GNG12: variants seen among roughly 807,000 people sequenced by gnomAD.
GNG12 encodes G protein subunit gamma 12.
For missense variants in GNG12, 69 were observed against 83.8 expected, an observed-to-expected ratio of 0.82 and a Z score of 0.69; for synonymous variants, 28 against 29.7, an observed-to-expected ratio of 0.94 and a Z score of 0.19.
At chr1:67,824,917 T>C (rs2100826846) in intron 1 of GNG12, among the ~76,000 whole-genome samples, 1 of 138,494 alleles carries the variant, frequency 7.2e-6, no homozygotes, top group East Asian at 2.1e-4. Context: ...CGGATATTTA[T>C]TACAGCCATA....
At chr1:67,781,455 T>C (rs1411906185) in intron 1 of GNG12, among the ~76,000 whole-genome samples, 2 of 152,196 alleles carry the variant, frequency 1.3e-5, no homozygotes, top group African/African-American at 4.8e-5. Flanking sequence ...TATATTACAT[T>C]CTTGACTTGA....
At chr1:67,792,456 A>G (rs550746711) in intron 1 of GNG12, among the ~76,000 whole-genome samples, 51 of 152,264 alleles carry the variant, frequency 3.3e-4, no homozygotes, top group African/African-American at 1.1e-3. Flanking sequence ...CGTATGCCTT[A>G]CCCCCTAGAT....
intron 2 of GNG12, among the ~76,000 whole-genome samples, chr1:67,756,414 C>T (rs1047806100): frequency 2.6e-5 from 4 of 152,142 alleles, no homozygotes; most frequent in Admixed American, 6.5e-5. Flanking sequence ...TGTGGAATAC[C>T]ACAGGTTTCT....
At chr1:67,741,167 T>G (rs1381678064) in intron 2 of GNG12, among the ~76,000 whole-genome samples, 2 of 152,240 alleles carry the variant, frequency 1.3e-5, no homozygotes, top group Non-Finnish European at 2.9e-5. Flanking sequence ...AGAGAAATGC[T>G]TCTTAAGTTA....
chr1:67,792,265 T>C lies in GNG12; in HGVS notation c.-76-14758A>G, dbSNP rs1265052576. Among the ~76,000 whole-genome samples the C allele has an allele frequency of 2.0e-5, 3 of 152,234 alleles. No individual in the cohort carries two copies. The East Asian group carries it at 5.8e-4, about 29-fold the overall frequency. On this transcript the variant is annotated intron_variant, in intron 1 of 3. Coordinates refer to ENST00000370982, the MANE Select transcript of GNG12 (RefSeq NM_018841.6). ...GTTGCACTCCCAGTGCCTGAGGCAA[T>C]GCCTGACACAGGCTAGGCATTCAAG...
intron 2 of GNG12, among the ~76,000 whole-genome samples, chr1:67,757,798 G>T (rs767149245): frequency 1.3e-5 from 2 of 152,166 alleles, no homozygotes; most frequent in African/African-American, 2.4e-5. Context: ...TCTTTGAGAA[G>T]GCTGAACTAG....
At chr1:67,728,158 C>G (rs1646397647) in intron 2 of GNG12, among the ~76,000 whole-genome samples, 1 of 152,222 alleles carries the variant, frequency 6.6e-6, no homozygotes, top group Non-Finnish European at 1.5e-5. Context: ...GGCTGCCTTT[C>G]AGAATCACCT....
At chr1:67,820,009 A>AT (rs1470861671) in intron 1 of GNG12, among the ~76,000 whole-genome samples, 3 of 151,342 alleles carry the variant, frequency 2.0e-5, no homozygotes, top group Non-Finnish European at 4.4e-5. Flanking sequence ...TCGTCATGTG[A>AT]TTTTTACTCA....
At chr1:67,751,651 T>C (rs895065309) in intron 2 of GNG12, among the ~76,000 whole-genome samples, 10 of 152,184 alleles carry the variant, frequency 6.6e-5, no homozygotes, top group African/African-American at 1.9e-4. Context: ...TTAGGTAACC[T>C]GAAAAGCCAT....
chr1:67,809,524 G>A (rs966464024), intron 1 of GNG12, among the ~76,000 whole-genome samples: 1 of 152,092 alleles, frequency 6.6e-6, no homozygotes, highest in African/African-American at 2.4e-5. Context: ...ATTTGCAGAA[G>A]ACACTTCTGA....
chr1:67,739,633 G>A (rs1262343587), intron 2 of GNG12, among the ~76,000 whole-genome samples: 1 of 152,238 alleles, frequency 6.6e-6, no homozygotes, highest in African/African-American at 2.4e-5. Flanking sequence ...TCAAAGCAGT[G>A]TACTTGTAAG....
At chr1:67,767,336 C>T (rs1171931390) in intron 2 of GNG12, among the ~76,000 whole-genome samples, 2 of 152,142 alleles carry the variant, frequency 1.3e-5, no homozygotes, top group South Asian at 4.1e-4. Flanking sequence ...GAGCTCCTCC[C>T]GCTTAGGACT....
intron 2 of GNG12, among the ~76,000 whole-genome samples, chr1:67,720,291 G>A (rs1025008976): frequency 3.9e-5 from 6 of 152,220 alleles, no homozygotes; most frequent in Non-Finnish European, 5.9e-5. Context: ...GCGGGCCCAT[G>A]GGGAGTAGCC....
intron 2 of GNG12, among the ~76,000 whole-genome samples, chr1:67,737,446 C>T (rs1646458404): frequency 6.6e-6 from 1 of 152,138 alleles, no homozygotes; most frequent in Non-Finnish European, 1.5e-5. Flanking sequence ...GAGCTCTGGG[C>T]CCAGGGTCAA....
intron 1 of GNG12, among the ~76,000 whole-genome samples, chr1:67,785,636 A>G (rs1646763553): frequency 6.6e-6 from 1 of 152,168 alleles, no homozygotes; most frequent in African/African-American, 2.4e-5. Flanking sequence ...TAGTTAAGAG[A>G]CAACAGTTTT....
intron 2 of GNG12, among the ~76,000 whole-genome samples, chr1:67,759,781 C>CA (rs1221026990): frequency 7.0e-6 from 1 of 142,128 alleles, no homozygotes; most frequent in East Asian, 2.0e-4. Context: ...CAGTGAAGGC[C>CA]ATTTTTCAAC....
intron 2 of GNG12, among the ~76,000 whole-genome samples, chr1:67,762,018 G>A (rs1357538401): frequency 6.6e-6 from 1 of 152,140 alleles, no homozygotes; most frequent in African/African-American, 2.4e-5. Context: ...TTTGTTCAGG[G>A]CCTCCAGAAT....
chr1:67,740,144 A>T (rs1005040739), intron 2 of GNG12, among the ~76,000 whole-genome samples: 2 of 152,258 alleles, frequency 1.3e-5, no homozygotes, highest in Non-Finnish European at 2.9e-5. Flanking sequence ...TAAAAAATGT[A>T]TAGTTTTACC....
chr1:67,820,954 T>C (rs767404498), intron 1 of GNG12, among the ~76,000 whole-genome samples: 4 of 152,242 alleles, frequency 2.6e-5, no homozygotes, highest in African/African-American at 7.2e-5. Flanking sequence ...ATGATAATGA[T>C]GTCAATTATA....
Sources: allele counts gnomAD v4.1 joint callset (sites outside exome capture counted in the v4.1 genomes callset), GRCh38; gene constraint gnomAD v4.1.1; transcripts MANE v1.5; gene names NCBI Gene and HGNC (gene_info 2026-07-23, HGNC 2026-07-21).